The following RIT2 variants were observed in gnomAD, a reference collection of about 807,000 sequenced individuals.
The protein encoded by RIT2 is GTP-binding protein Rit2.
Under a neutral mutation model 23.7 loss-of-function variants are expected in RIT2, and 24 were observed. That is an observed-to-expected ratio of 1.01 (90% confidence interval 0.73 to 1.43). RIT2 has a LOEUF of 1.43. Ranked by LOEUF, RIT2 falls within the 40% of genes most tolerant of loss-of-function variation. RIT2 has a pLI of 0.00. For synonymous variants in RIT2, 107 were observed against 91.1 expected, an observed-to-expected ratio of 1.17 and a Z score of -0.99; for missense variants, 236 against 266.9, an observed-to-expected ratio of 0.88 and a Z score of 0.81.
intron 2 of RIT2, among the ~76,000 whole-genome samples, chr18:43,008,407 G>A (rs1167166999): frequency 6.6e-6 from 1 of 151,252 alleles, no homozygotes; most frequent in African/African-American, 2.4e-5. Context: ...AAATTTTAAA[G>A]TGATTTCATA....
At chr18:43,062,178 A>G (rs997543185) in intron 1 of RIT2, among the ~76,000 whole-genome samples, 10 of 152,140 alleles carry the variant, frequency 6.6e-5, no homozygotes, top group African/African-American at 2.4e-4. Context: ...AATGTTTTAT[A>G]TGAGCCACTA....
At chr18:43,010,117 T>C (rs1911317872) in intron 2 of RIT2, among the ~76,000 whole-genome samples, 1 of 151,844 alleles carries the variant, frequency 6.6e-6, no homozygotes, top group Admixed American at 6.6e-5. Context: ...TTTCCTTTAC[T>C]ACATAGACTA....
chr18:43,027,099 T>C (rs1168005668), intron 2 of RIT2, among the ~76,000 whole-genome samples: 4 of 150,844 alleles, frequency 2.7e-5, no homozygotes, highest in African/African-American at 9.8e-5. Context: ...TAAGTTAAAA[T>C]GGAAAGAATT....
Position 43,095,173 on chromosome 18 carries a change from C to T in RIT2, c.103+20244G>A, listed in dbSNP as rs150839512. ...CAATGGTTGAACTAATTTACACTCC[C>T]ACGAACAGTGTAAAAGCGTTCCTAT... is the stretch of plus-strand genomic sequence containing the variant. On this transcript the variant is annotated intron_variant, in intron 1 of 4. Transcript: ENST00000326695. Among the ~76,000 whole-genome samples, 1,120 of 152,204 alleles carry T rather than the reference C, an allele frequency of 7.4e-3. 13 individuals carry two copies. Among genetic ancestry groups the T allele is most frequent in the African/African-American group, 0.026 (1,074 of 41,552 alleles).
At chr18:42,845,563 T>C (rs1422206206) in intron 4 of RIT2, among the ~76,000 whole-genome samples, 3 of 150,532 alleles carry the variant, frequency 2.0e-5, no homozygotes, top group Non-Finnish European at 4.4e-5. Flanking sequence ...TACATGTTTT[T>C]CCAGTACGTG....
At chr18:43,075,491 C>G (rs1419347995) in intron 1 of RIT2, among the ~76,000 whole-genome samples, 1 of 152,122 alleles carries the variant, frequency 6.6e-6, no homozygotes, top group Non-Finnish European at 1.5e-5. Context: ...GGCTTCGATA[C>G]AACCAGTACT....
At chr18:43,113,941 C>A (rs1288918945) in intron 1 of RIT2, among the ~76,000 whole-genome samples, 3 of 151,946 alleles carry the variant, frequency 2.0e-5, no homozygotes, top group Non-Finnish European at 2.9e-5. Context: ...TTGTTTATTT[C>A]TTTCTTCCTC....
intron 4 of RIT2, among the ~76,000 whole-genome samples, chr18:42,756,541 C>T (rs1913167805): frequency 6.6e-6 from 1 of 152,038 alleles, no homozygotes; most frequent in Non-Finnish European, 1.5e-5. Context: ...GCAATATCTG[C>T]CTTCTTTTTG....
At chr18:42,782,503 A>G (rs1480998539) in intron 4 of RIT2, among the ~76,000 whole-genome samples, 1 of 152,112 alleles carries the variant, frequency 6.6e-6, no homozygotes, top group Non-Finnish European at 1.5e-5. Flanking sequence ...AGATAGATGG[A>G]TAGATTAATA....
chr18:42,985,899 TA>T (rs1910696470), intron 2 of RIT2, among the ~76,000 whole-genome samples: 1 of 152,030 alleles, frequency 6.6e-6, no homozygotes. Context: ...AATACATTTA[TA>T]AAAATTGGGC....
intron 3 of RIT2, among the ~76,000 whole-genome samples, chr18:42,949,373 G>A (rs1909797528): frequency 1.3e-5 from 2 of 152,106 alleles, no homozygotes; most frequent in South Asian, 4.1e-4. Flanking sequence ...TTATGTGTAT[G>A]TTCAGGGAGG....
intron 2 of RIT2, among the ~76,000 whole-genome samples, chr18:42,985,071 TGTTGA>T: frequency 6.6e-6 from 1 of 152,136 alleles, no homozygotes; most frequent in Non-Finnish European, 1.5e-5. Context: ...TAAATGATTT[TGTTGA>T]GTTTTCTGGC....
At chr18:43,024,899 A>G (rs1911676659) in intron 2 of RIT2, among the ~76,000 whole-genome samples, 1 of 152,120 alleles carries the variant, frequency 6.6e-6, no homozygotes. Context: ...TACACCAGTC[A>G]GAATGGCTAT....
intron 4 of RIT2, among the ~76,000 whole-genome samples, chr18:42,878,562 A>ACT (rs1253412672): frequency 9.8e-6 from 1 of 101,566 alleles, no homozygotes; most frequent in East Asian, 3.5e-4. Flanking sequence ...TCAAGATTCA[A>ACT]CTCTGTGTGT....
chr18:42,743,286 C>T lies in RIT2; in HGVS notation c.*207G>A, dbSNP rs1319795807. 3.4e-6 allele frequency: 2 copies of T among 580,374 alleles called. No homozygotes were observed. Among genetic ancestry groups the T allele is most frequent in the African/African-American group, 3.7e-5 (2 of 53,380 alleles). 36.0% of individuals were successfully genotyped at this position (580,374 alleles called of 1,614,324 possible). On this transcript the variant is annotated 3_prime_UTR_variant, in exon 5 of 5. Transcript: ENST00000326695. The stretch of plus-strand genomic sequence containing the variant: ...ATGTTGTAAAAACTAAACAGCATAT[C>T]CAGCTGATTGACAAAATCCATCCAA...
At chr18:42,829,450 G>A (rs1047530392) in intron 4 of RIT2, among the ~76,000 whole-genome samples, 4 of 152,126 alleles carry the variant, frequency 2.6e-5, no homozygotes, top group Non-Finnish European at 5.9e-5. Context: ...CTAATTGGAG[G>A]GTGGCTCTGT....
rs895565607 is a variant in RIT2, at chr18:42,909,082, CACTG to C, written c.426+14486_426+14489del. Among the ~76,000 whole-genome samples the C allele has an allele frequency of 3.3e-5, 5 of 152,190 alleles. No homozygotes were observed. In the East Asian group the frequency reaches 5.8e-4, roughly 18 times the overall value. ...AGGATATGGAACCAAACTAAGTGCC[CACTG>C]ACTGAGTGGATAAAGAAGATGTTGT... On this transcript the variant is annotated intron_variant, in intron 4 of 4. Coordinates refer to ENST00000326695, the MANE Select transcript of RIT2 (RefSeq NM_002930.4).
In RIT2 at chr18:42,743,619, G is replaced by A; in HGVS notation, c.528C>T (p.Gly176=). 1 of 1,613,834 alleles carries A rather than the reference G, an allele frequency of 6.2e-7. No homozygotes were observed. Among genetic ancestry groups the A allele is most frequent in the East Asian group, 2.2e-5 (1 of 44,846 alleles). Residue 176 remains glycine (G), a synonymous_variant, in exon 5 of 5, where the codon GGC becomes GGT. Coordinates refer to ENST00000326695, the MANE Select transcript of RIT2 (RefSeq NM_002930.4). ...LRFCIDDAFH[G]LVREIRKKES... ...CCTTCTTGCGAATTTCCCTCACTAA[G>A]CCATGAAAAGCATCATCAATACAGA...
At chr18:42,793,200 A>G (rs555868291) in intron 4 of RIT2, among the ~76,000 whole-genome samples, 1 of 152,356 alleles carries the variant, frequency 6.6e-6, no homozygotes, top group Admixed American at 6.5e-5. Context: ...TATGGGAGGA[A>G]GCAGCTATAT....
Sources: allele counts gnomAD v4.1 joint callset (sites outside exome capture counted in the v4.1 genomes callset), GRCh38; gene constraint gnomAD v4.1.1; transcripts MANE v1.5; gene names NCBI Gene and HGNC (gene_info 2026-07-23, HGNC 2026-07-21).